Variants in CEP170 observed in about 807,000 individuals in gnomAD.
The protein encoded by CEP170 is centrosomal protein 170, also known as centrosomal protein of 170 kDa.
A neutral mutation model predicts 151.9 loss-of-function variants in CEP170; 21 were observed. The ratio of observed to expected loss-of-function variants is 0.14; its 90% CI spans 0.10 to 0.20. The LOEUF (loss-of-function observed/expected upper bound fraction) is 0.20, where lower values mean the gene tolerates loss of function less well. Among genes scored for constraint, CEP170 ranks in the 10% least tolerant of loss-of-function variants. The probability of loss-of-function intolerance (pLI) is 1.00; values close to 1 mark genes in which losing one functional copy is unlikely to be tolerated. For missense variants in CEP170, 964 were observed against 1,892.9 expected, an observed-to-expected ratio of 0.51 and a Z score of 9.11; for synonymous variants, 356 against 648.8, an observed-to-expected ratio of 0.55 and a Z score of 6.86.
intron 12 of CEP170, among the ~76,000 whole-genome samples, chr1:243,167,275 A>C (rs2058509656): frequency 6.6e-6 from 1 of 152,052 alleles, no homozygotes; most frequent in Admixed American, 6.5e-5. Flanking sequence ...ATTTTAAAAA[A>C]ATCTATAGCC....
At chr1:243,161,155 T>G (rs1351120465) in intron 13 of CEP170, among the ~76,000 whole-genome samples, 1 of 151,188 alleles carries the variant, frequency 6.6e-6, no homozygotes, top group Non-Finnish European at 1.5e-5. Flanking sequence ...ATACAAAAAT[T>G]AGGCGGGCAT....
intron 4 of CEP170, among the ~76,000 whole-genome samples, chr1:243,209,278 A>G (rs2061618155): frequency 1.3e-5 from 2 of 151,506 alleles, no homozygotes. Flanking sequence ...TCCGCCTCCC[A>G]GGTTCAAACA....
intron 14 of CEP170, among the ~76,000 whole-genome samples, chr1:243,153,792 T>C (rs1361045945): frequency 1.3e-5 from 2 of 152,242 alleles, no homozygotes; most frequent in Admixed American, 6.5e-5. Flanking sequence ...ACCAAACCTG[T>C]ACTATCTTCG....
chr1:243,211,725 T>C, intron 4 of CEP170, 161 bp downstream of exon 4: 1 of 799,084 alleles, frequency 1.3e-6, no homozygotes, highest in Non-Finnish European at 1.9e-6. Context: ...GGAACAGGCA[T>C]AATAACTAAA....
Position 243,140,315 on chromosome 1 carries a change from T to A in CEP170, c.4060-208A>T. ...AAAATCGAGATTCATCTACACAGGT[T>A]TTATTTTCAAAATCCAAAATATATA... On this transcript the variant is annotated intron_variant, in intron 15 of 19. Transcript: ENST00000366542. 3 of 747,608 alleles carry A rather than the reference T, an allele frequency of 4.0e-6. No individual in the cohort carries two copies. In the South Asian group the frequency reaches 1.3e-4, roughly 32 times the overall value. The allele number at this position is 747,608 out of a possible 1,614,324, so 46.3% of individuals were successfully genotyped here.
chr1:243,146,533 TAAAAAC>T (rs1268454023), intron 14 of CEP170, among the ~76,000 whole-genome samples: 5 of 152,146 alleles, frequency 3.3e-5, no homozygotes, highest in Admixed American at 3.3e-4. Context: ...TTTCCATGGG[TAAAAAC>T]AAATTTTGTT....
intron 14 of CEP170, among the ~76,000 whole-genome samples, chr1:243,153,465 G>C (rs191295105): frequency 1.8e-4 from 27 of 152,296 alleles, no homozygotes; most frequent in African/African-American, 6.5e-4. Flanking sequence ...CAACGTGGCA[G>C]ACTTCACTGT....
At chr1:243,146,952 T>A (rs1156814608) in intron 14 of CEP170, among the ~76,000 whole-genome samples, 1 of 151,210 alleles carries the variant, frequency 6.6e-6, no homozygotes. Context: ...CAATTGTGAA[T>A]CCCCCCTAAC....
chr1:243,147,018 G>A (rs1435609370), intron 14 of CEP170, among the ~76,000 whole-genome samples: 2 of 150,326 alleles, frequency 1.3e-5, no homozygotes, highest in East Asian at 1.9e-4. Context: ...GGAATGCTCA[G>A]TATCATTGGC....
At chr1:243,183,193 C>G (rs1417325756) in intron 10 of CEP170, among the ~76,000 whole-genome samples, 1 of 152,002 alleles carries the variant, frequency 6.6e-6, no homozygotes, top group Non-Finnish European at 1.5e-5. Context: ...AGACACAAAG[C>G]CTGGCACATA....
intron 3 of CEP170, 65 bp from the exon 4 acceptor site, chr1:243,212,029 G>T (rs1240870123): frequency 1.5e-6 from 2 of 1,310,538 alleles, no homozygotes; most frequent in African/African-American, 3.0e-5. Flanking sequence ...TTTCAGATAA[G>T]CAAATTCTCA....
intron 13 of CEP170, among the ~76,000 whole-genome samples, chr1:243,158,786 C>T (rs1295202061): frequency 1.3e-5 from 2 of 151,992 alleles, no homozygotes; most frequent in Admixed American, 6.6e-5. Context: ...AATCAGGGGC[C>T]GGGCACAGTG....
chr1:243,179,338 T>C (rs2059465422), intron 10 of CEP170, among the ~76,000 whole-genome samples: 1 of 152,114 alleles, frequency 6.6e-6, no homozygotes, highest in African/African-American at 2.4e-5. Flanking sequence ...TCCCCTTTCC[T>C]TGCCAAGCAG....
intron 14 of CEP170, among the ~76,000 whole-genome samples, chr1:243,144,487 T>C (rs561866952): frequency 4.6e-5 from 7 of 152,350 alleles, no homozygotes; most frequent in South Asian, 2.1e-4. Context: ...TTATATAATA[T>C]AGCAAATCCT....
chr1:243,218,468 T>G (rs1454647576), intron 3 of CEP170, among the ~76,000 whole-genome samples: 3 of 152,184 alleles, frequency 2.0e-5, no homozygotes, highest in Admixed American at 6.5e-5. Flanking sequence ...CGTTAAAATA[T>G]CAGCAACGGA....
At chr1:243,196,801 A>G (rs2060680890) in intron 7 of CEP170, among the ~76,000 whole-genome samples, 2 of 152,166 alleles carry the variant, frequency 1.3e-5, no homozygotes, top group East Asian at 1.9e-4. Context: ...GCACACACAC[A>G]ACATAATGAA....
chr1:243,167,183 T>C (rs1321591713), intron 12 of CEP170, among the ~76,000 whole-genome samples: 10 of 152,022 alleles, frequency 6.6e-5, no homozygotes, highest in Non-Finnish European at 1.3e-4. Flanking sequence ...ACATAACTAG[T>C]TTTTAAAAAG....
chr1:243,137,684 G>A (rs1242622797), intron 16 of CEP170, among the ~76,000 whole-genome samples: 3 of 151,710 alleles, frequency 2.0e-5, no homozygotes, highest in South Asian at 2.1e-4. Context: ...CTAAGGCAGG[G>A]GAATTGCTTG....
intron 1 of CEP170, among the ~76,000 whole-genome samples, chr1:243,239,887 G>A (rs1245553312): frequency 6.6e-6 from 1 of 152,182 alleles, no homozygotes; most frequent in Non-Finnish European, 1.5e-5. Context: ...ATGGATGCCT[G>A]AAACTTTAGT....
Sources: gnomAD v4.1 joint callset for allele counts (sites outside exome capture counted in the v4.1 genomes callset) on GRCh38, gnomAD v4.1.1 for gene constraint, MANE v1.5 for transcripts, NCBI Gene and HGNC (gene_info 2026-07-23, HGNC 2026-07-21) for gene names.